The following ZNF737 variants were observed in gnomAD, a reference collection of about 807,000 sequenced individuals.
The protein encoded by ZNF737 is zinc finger protein 737, also known as zinc finger protein 102 (Y3).
In ZNF737, 13 loss-of-function variants were observed where a neutral mutation model predicts 11.7. The ratio of observed to expected loss-of-function variants is 1.11; its 90% CI spans 0.73 to 1.77. ZNF737 has a LOEUF of 1.77. Ranked by LOEUF, ZNF737 falls within the 40% of genes most tolerant of loss-of-function variation. ZNF737 has a pLI of 0.00. For missense variants in ZNF737, 636 were observed against 638.0 expected, an observed-to-expected ratio of 1.00 and a Z score of 0.03; for synonymous variants, 217 against 216.2, an observed-to-expected ratio of 1.00 and a Z score of -0.03.
At position 20,543,751 on chromosome 19, in the gene ZNF737, G is replaced by T. The variant is rs1968313972; in HGVS notation, c.*841C>A. The stretch of plus-strand genomic sequence containing the variant: ...ATTATTGTTATGTGTAGAGAAGTTG[G>T]AGGTGTTCGTAAAAGCAATGTCACA... On this transcript the variant is annotated 3_prime_UTR_variant, in exon 4 of 4. Coordinates refer to ENST00000427401, the MANE Select transcript of ZNF737 (RefSeq NM_001159293.2). 1.0e-6 allele frequency: 1 copy of T among 985,360 alleles called. No homozygotes were observed. The highest frequency in any genetic ancestry group is 1.2e-6 in the Non-Finnish European group (1 of 829,902). The allele number at this position is 985,360 out of a possible 1,614,324, so 61.0% of individuals were successfully genotyped here. A position where few individuals can be genotyped will look rare whatever the true frequency, so the allele number is the denominator to read the frequency against.
In ZNF737 at chr19:20,540,863, A is replaced by G. The variant is rs782720588; in HGVS notation, c.*3729T>C. ...TTTTTAGTTTTATTCATTACAAATA[A>G]CTATTTTTCTGGCTTAAATTATTTT... On this transcript the variant is annotated 3_prime_UTR_variant, in exon 4 of 4. Coordinates refer to ENST00000427401, the MANE Select transcript of ZNF737 (RefSeq NM_001159293.2). The G allele has an allele frequency of 7.8e-5, 74 of 946,150 alleles. No individual in the cohort carries two copies. The highest frequency in any genetic ancestry group is 8.9e-5 in the Non-Finnish European group (71 of 794,404). The allele number at this position is 946,150 out of a possible 1,614,324, so 58.6% of individuals were successfully genotyped here.
chr19:20,557,957 C>A (rs538822470), intron 1 of ZNF737, among the ~76,000 whole-genome samples: 2 of 152,042 alleles, frequency 1.3e-5, no homozygotes, highest in South Asian at 4.2e-4. Context: ...GTACATGTAG[C>A]AAGGTAAAAG....
chr19:20,545,028 G>A lies in ZNF737; in HGVS notation c.1175C>T (p.Thr392Ile). Reference sequence around the variant, plus strand: ...TTCACATTTGTAGGGTTTCTCTCCAGTATGAATTCTCTTATGTGTAGTAAG... The same window carrying A: ...TTCACATTTGTAGGGTTTCTCTCCAATATGAATTCTCTTATGTGTAGTAAG... ...SHLTTHKRIH[T>I]GEKPYKCEEC... is the part of the protein sequence containing the mutation. Residue 392 changes from threonine to isoleucine, a missense_variant, in exon 4 of 4, where the codon ACT becomes ATT. By Grantham distance (89) the Thr-to-Ile change is moderately conservative. Transcript: ENST00000427401. The A allele has an allele frequency of 6.2e-7, 1 of 1,613,224 alleles. No individual in the cohort carries two copies. Among genetic ancestry groups the A allele is most frequent in the Non-Finnish European group, 8.5e-7 (1 of 1,179,806 alleles).
chr19:20,537,806 C>G (rs1336215381), downstream of ZNF737, among the ~76,000 whole-genome samples: 1 of 152,054 alleles, frequency 6.6e-6, no homozygotes, highest in African/African-American at 2.4e-5. Flanking sequence ...TGAGCCACCG[C>G]ACCCAGCCCT....
intron 1 of ZNF737, among the ~76,000 whole-genome samples, chr19:20,563,696 G>GGCT (rs782556994): frequency 3.2e-4 from 48 of 152,014 alleles, no homozygotes; most frequent in Middle Eastern, 3.4e-3. Flanking sequence ...ATGTTGGGCA[G>GGCT]GCTGGTCTCA....
intron 3 of ZNF737, among the ~76,000 whole-genome samples, chr19:20,548,942 AT>A (rs1412625412): frequency 9.7e-6 from 1 of 103,202 alleles, no homozygotes; most frequent in African/African-American, 4.5e-5. Flanking sequence ...TTTTTAAGCA[AT>A]TTTTTTTAAA....
chr19:20,543,651 A>C lies in ZNF737; in HGVS notation c.*941T>G. 2.0e-6 allele frequency: 2 copies of C among 985,456 alleles called. No homozygotes were observed. Among genetic ancestry groups the C allele is most frequent in the Non-Finnish European group, 2.4e-6 (2 of 829,926 alleles). 61.0% of individuals were successfully genotyped at this position (985,456 alleles called of 1,614,324 possible). On this transcript the variant is annotated 3_prime_UTR_variant, in exon 4 of 4. Coordinates refer to ENST00000427401, the MANE Select transcript of ZNF737 (RefSeq NM_001159293.2). ...GAGTTTTGCCAGTATGAATTATCCA[A>C]CCTACAATCAAGAGTGGCAACCATA... is the stretch of plus-strand genomic sequence containing the variant.
rs1054672709 is a variant in ZNF737 at position 20,544,618 on chromosome 19, C to A, written c.1585G>T (p.Val529Leu). 4 of 1,605,838 alleles carry A rather than the reference C, an allele frequency of 2.5e-6. No individual in the cohort carries two copies. The African/African-American group carries it at 4.0e-5, about 16-fold the overall frequency. The change falls in exon 4 of 4, where the codon GTA (valine) becomes TTA (leucine). Residue 529 changes from valine (V) to leucine (L), a missense_variant. Coordinates refer to ENST00000427401, the MANE Select transcript of ZNF737 (RefSeq NM_001159293.2). ...TATAGTTTCTCTCCAGTATGAATTA[C>A]CTTATGTGTAGTAAGGGTAGAGGGG... is the stretch of plus-strand genomic sequence containing the variant. Reference protein sequence around the residue: ...KCPSTLTTHKVIHTGEKL With the variant: ...KCPSTLTTHKLIHTGEKL
At position 20,545,865 on chromosome 19, in the gene ZNF737, A is replaced by G; in HGVS notation, c.338T>C (p.Phe113Ser). Reference sequence around the variant, plus strand: ...ATCTACACTTTCACAGCCCTTTTTAAACTGTAAATTGTCATGTCCATAGTT... The same window carrying G: ...ATCTACACTTTCACAGCCCTTTTTAGACTGTAAATTGTCATGTCCATAGTT... ...YENYGHDNLQ[F>S]KKGCESVDEC... The change falls in exon 4 of 4, where the codon TTT becomes TCT. Residue 113 changes from phenylalanine (F) to serine (S), a missense_variant. Phe to Ser is a radical substitution (Grantham distance 155, BLOSUM62 -2). Transcript: ENST00000427401. 1 of 1,613,246 alleles carries G rather than the reference A, an allele frequency of 6.2e-7. No individual in the cohort carries two copies. The highest frequency in any genetic ancestry group is 8.5e-7 in the Non-Finnish European group (1 of 1,179,786).
chr19:20,559,444 C>T (rs756874561), intron 1 of ZNF737, among the ~76,000 whole-genome samples: 11 of 151,076 alleles, frequency 7.3e-5, no homozygotes, highest in South Asian at 4.2e-4. Context: ...TCGCTAATCA[C>T]GGGAGAAATT....
chr19:20,565,745 C>T lies in ZNF737; in HGVS notation c.-105G>A. ...GCCTCTAGGAGCAGAGGACACACAG[C>T]AGTGAAGACAAGACCTGGAGCTCCG... On this transcript the variant is annotated 5_prime_UTR_variant, in exon 1 of 4. Coordinates refer to ENST00000427401, the MANE Select transcript of ZNF737 (RefSeq NM_001159293.2). The T allele has an allele frequency of 2.6e-6, 4 of 1,556,348 alleles. No individual in the cohort carries two copies. Among genetic ancestry groups the T allele is most frequent in the Non-Finnish European group, 3.5e-6 (4 of 1,127,540 alleles).
chr19:20,537,495 T>A (rs1968018625), downstream of ZNF737, among the ~76,000 whole-genome samples: 1 of 136,302 alleles, frequency 7.3e-6, no homozygotes, highest in Admixed American at 7.7e-5. Flanking sequence ...AGCCACCACA[T>A]TCAGCCTGGT....
chr19:20,530,784 T>G, the ZNF737 span, among the ~76,000 whole-genome samples: 6 of 129,196 alleles, frequency 4.6e-5, no homozygotes, highest in Non-Finnish European at 6.6e-5. Context: ...TCCCAGATGA[T>G]GGGCGGCCAG....
downstream of ZNF737, among the ~76,000 whole-genome samples, chr19:20,537,072 C>T (rs1418938419): frequency 1.3e-5 from 2 of 152,076 alleles, no homozygotes; most frequent in Non-Finnish European, 2.9e-5. Context: ...CACTGCACTC[C>T]AGCCTGGGTG....
Position 20,545,109 on chromosome 19 carries a change from C to A in ZNF737, c.1094G>T (p.Gly365Val). The change falls in exon 4 of 4, where the codon GGA becomes GTA. Residue 365 changes from glycine to valine, a missense_variant. Coordinates refer to ENST00000427401, the MANE Select transcript of ZNF737 (RefSeq NM_001159293.2). ...TTCTTCACATTTGTAGGGTTTCTCT[C>A]CACTATGAATTATCTTGTGTGTAGT... Reference protein sequence around the residue: ...SLTTHKIIHSGEKPYKCEECG... With the variant: ...SLTTHKIIHSVEKPYKCEECG... 6.2e-7 allele frequency: 1 copy of A among 1,611,142 alleles called. No individual in the cohort carries two copies. The highest frequency in any genetic ancestry group is 8.5e-7 in the Non-Finnish European group (1 of 1,178,474).
rs1263571826 is a variant in ZNF737, at chr19:20,540,317, G to C, written c.*4275C>G. On this transcript the variant is annotated 3_prime_UTR_variant, in exon 4 of 4. Coordinates refer to ENST00000427401, the MANE Select transcript of ZNF737 (RefSeq NM_001159293.2). ...CATTTTGATAAACACAAAGTCTACG[G>C]ATGAGTAACCTAATTTCATAAGTGA... 1.7e-5 allele frequency: 4 copies of C among 238,866 alleles called. No homozygotes were observed. The highest frequency in any genetic ancestry group is 2.7e-5 in the Non-Finnish European group (4 of 147,732). 14.8% of individuals were successfully genotyped at this position (238,866 alleles called of 1,614,324 possible).
At chr19:20,536,920 G>A (rs1214449782), downstream of ZNF737, among the ~76,000 whole-genome samples, 2 of 152,040 alleles carry the variant, frequency 1.3e-5, no homozygotes, top group Admixed American at 6.6e-5. Flanking sequence ...TAGACCCTAG[G>A]CAACAAAGTA....
At position 20,565,697 on chromosome 19, in the gene ZNF737, G is replaced by C; in HGVS notation, c.-57C>G. 6.2e-7 allele frequency: 1 copy of C among 1,613,252 alleles called. No homozygotes were observed. Among genetic ancestry groups the C allele is most frequent in the Non-Finnish European group, 8.5e-7 (1 of 1,179,196 alleles). On this transcript the variant is annotated 5_prime_UTR_variant, in exon 1 of 4. Coordinates refer to ENST00000427401, the MANE Select transcript of ZNF737 (RefSeq NM_001159293.2). Reference sequence around the variant, plus strand: ...AGCTGTGGATCTCCCAATACCTGCAGGACACAGGGCCACAGAGGCTGGGCC... The same window carrying C: ...AGCTGTGGATCTCCCAATACCTGCACGACACAGGGCCACAGAGGCTGGGCC...
intron 2 of ZNF737, among the ~76,000 whole-genome samples, chr19:20,553,296 T>TCA (rs1555759235): frequency 1.3e-5 from 2 of 152,176 alleles, no homozygotes; most frequent in Non-Finnish European, 2.9e-5. Flanking sequence ...TCTTGCTCTG[T>TCA]TGCCTGGGCT....
Sources: gnomAD v4.1 joint callset for allele counts (sites outside exome capture counted in the v4.1 genomes callset) on GRCh38, gnomAD v4.1.1 for gene constraint, MANE v1.5 for transcripts, NCBI Gene and HGNC (gene_info 2026-07-23, HGNC 2026-07-21) for gene names.